The following KALRN variants were observed in gnomAD, a reference collection of about 807,000 sequenced individuals.
KALRN encodes kalirin.
Under a neutral mutation model 353.7 loss-of-function variants are expected in KALRN, and 70 were observed. That is an observed-to-expected ratio of 0.20 (90% CI 0.16 to 0.24). The LOEUF is 0.24. Ranked by LOEUF, KALRN falls within the 10% of genes least tolerant of loss-of-function variation. The pLI, the probability that KALRN is intolerant of heterozygous loss-of-function variation, is 1.00. For synonymous variants in KALRN, 1,391 were observed against 1,434.8 expected (o/e 0.97, Z 0.69); for missense variants, 2,791 against 3,756.7 (o/e 0.74, Z 6.72).
intron 34 of KALRN, among the ~76,000 whole-genome samples, chr3:124,611,084 G>C (rs189818946): frequency 6.6e-6 from 1 of 152,278 alleles, no homozygotes; most frequent in African/African-American, 2.4e-5. Flanking sequence ...GAAGGTAACA[G>C]GGCTAGGGAA....
chr3:124,429,876 T>C (rs1167612252), intron 15 of KALRN, among the ~76,000 whole-genome samples: 1 of 152,238 alleles, frequency 6.6e-6, no homozygotes, highest in Non-Finnish European at 1.5e-5. Context: ...GCTTGTTTTC[T>C]TTCTCTTTTC....
chr3:124,702,175 C>T, intron 57 of KALRN, 59 bp downstream of exon 57: 1 of 1,052,844 alleles, frequency 9.5e-7, no homozygotes. Flanking sequence ...CACATCAGAA[C>T]AGTAACTTTT....
At chr3:124,517,823 G>C (rs576923504) in intron 33 of KALRN, among the ~76,000 whole-genome samples, 2 of 152,250 alleles carry the variant, frequency 1.3e-5, no homozygotes, top group East Asian at 3.9e-4. Flanking sequence ...TACTGTCAAC[G>C]ATGTACTATA....
intron 6 of KALRN, among the ~76,000 whole-genome samples, chr3:124,312,850 G>C (rs975550321): frequency 6.6e-6 from 1 of 152,202 alleles, no homozygotes. Flanking sequence ...AACTCCTAAA[G>C]GCAGAGCTTT....
At chr3:124,495,996 T>TATATATATATAC (rs2063768405) in intron 32 of KALRN, among the ~76,000 whole-genome samples, 1 of 57,450 alleles carries the variant, frequency 1.7e-5, no homozygotes, top group African/African-American at 9.1e-5. Context: ...TATATATATA[T>TATATATATATAC]ATATATATAT....
At chr3:124,267,984 A>G (rs1230375993) in intron 4 of KALRN, among the ~76,000 whole-genome samples, 1 of 152,192 alleles carries the variant, frequency 6.6e-6, no homozygotes, top group African/African-American at 2.4e-5. Context: ...TAGGGCTGGG[A>G]CCCAAACACA....
chr3:124,629,325 C>T lies in KALRN; in HGVS notation c.5183-3095C>T, dbSNP rs534171511. Among the ~76,000 whole-genome samples the T allele has an allele frequency of 6.6e-5, 10 of 152,284 alleles. No homozygotes were observed. In the South Asian group the frequency reaches 1.0e-3, roughly 16 times the overall value. ...GTTTTCTGGGCTCTAATTCCTCCTT[C>T]GCAGGGCTGTGCTGTATATAGTTGC... On this transcript the variant is annotated intron_variant, in intron 34 of 59. Coordinates refer to ENST00000682506, the MANE Select transcript of KALRN (RefSeq NM_001388419.1).
chr3:124,192,070 G>T (rs1040730419), intron 1 of KALRN, among the ~76,000 whole-genome samples: 22 of 152,208 alleles, frequency 1.4e-4, no homozygotes, highest in Admixed American at 4.6e-4. Flanking sequence ...ACACTGGTTG[G>T]TATAGGCTGA....
chr3:124,297,305 A>G (rs984613981), intron 5 of KALRN, among the ~76,000 whole-genome samples: 2 of 152,140 alleles, frequency 1.3e-5, no homozygotes, highest in African/African-American at 4.8e-5. Flanking sequence ...TTCCTGCTTC[A>G]CTCTGCAACT....
At chr3:124,231,649 C>A (rs1404796617) in intron 2 of KALRN, among the ~76,000 whole-genome samples, 1 of 152,038 alleles carries the variant, frequency 6.6e-6, no homozygotes, top group African/African-American at 2.4e-5. Flanking sequence ...TGGAGAATTA[C>A]AATATCCATT....
At chr3:124,444,609 G>A (rs1266284219) in intron 19 of KALRN, among the ~76,000 whole-genome samples, 1 of 151,266 alleles carries the variant, frequency 6.6e-6, no homozygotes, top group Non-Finnish European at 1.5e-5. Flanking sequence ...ACCAGCCTGG[G>A]CAACATAGTG....
intron 5 of KALRN, among the ~76,000 whole-genome samples, chr3:124,272,409 A>G (rs540543595): frequency 6.6e-6 from 1 of 152,312 alleles, no homozygotes; most frequent in East Asian, 1.9e-4. Context: ...AGAGAATGCT[A>G]TATTTCAGTT....
At chr3:124,422,788 T>C in intron 14 of KALRN, 24 bp from the exon 15 acceptor site, 1 of 1,607,582 alleles carries the variant, frequency 6.2e-7, no homozygotes, top group Non-Finnish European at 8.5e-7. Context: ...TGGTTTTTAA[T>C]TGTTTCCATT....
At chr3:124,502,271 G>T (rs1457348197) in intron 33 of KALRN, among the ~76,000 whole-genome samples, 1 of 152,210 alleles carries the variant, frequency 6.6e-6, no homozygotes, top group East Asian at 1.9e-4. Context: ...GGGGGAAAGA[G>T]GGAAGGGAAG....
chr3:124,437,083 A>G (rs938415253), intron 17 of KALRN, among the ~76,000 whole-genome samples: 41 of 149,586 alleles, frequency 2.7e-4, no homozygotes, highest in African/African-American at 3.7e-4. Context: ...AGATGGGACT[A>G]GAGAAGTCAC....
chr3:124,644,822 A>G (rs572898394), intron 37 of KALRN, among the ~76,000 whole-genome samples: 1 of 152,310 alleles, frequency 6.6e-6, no homozygotes, highest in South Asian at 2.1e-4. Context: ...AATGATTTGT[A>G]ATCCTTTGGG....
At chr3:124,262,840 A>G (rs988845141) in intron 3 of KALRN, among the ~76,000 whole-genome samples, 3 of 152,248 alleles carry the variant, frequency 2.0e-5, no homozygotes, top group African/African-American at 7.2e-5. Flanking sequence ...GTAGGCACAT[A>G]TGTGGGTCAG....
rs2063375166 is a variant in KALRN at position 124,722,756 on chromosome 3, T to C, written c.*3286T>C. 1 of 152,212 alleles carries C rather than the reference T, an allele frequency of 6.6e-6. No individual in the cohort carries two copies. The allele number at this position is 152,212 out of a possible 1,614,324, so 9.4% of individuals were successfully genotyped here. ...GAGAAGAGAAAATGGTCCATTTCTA[T>C]CATTATGATGGTAGTTCACAGTGGG... On this transcript the variant is annotated 3_prime_UTR_variant, in exon 60 of 60. Coordinates refer to ENST00000682506, the MANE Select transcript of KALRN (RefSeq NM_001388419.1).
intron 45 of KALRN, among the ~76,000 whole-genome samples, chr3:124,665,243 G>A (rs111988942): frequency 5.1e-4 from 77 of 152,230 alleles, no homozygotes; most frequent in Non-Finnish European, 6.2e-4. Flanking sequence ...TGATGTCAGG[G>A]TCTTCTTGTT....
Sources: allele counts gnomAD v4.1 joint callset (sites outside exome capture counted in the v4.1 genomes callset), GRCh38; gene constraint gnomAD v4.1.1; transcripts MANE v1.5; gene names NCBI Gene and HGNC (gene_info 2026-07-23, HGNC 2026-07-21).